SOX5: variants seen among roughly 807,000 people sequenced by gnomAD.
SOX5 encodes transcription factor SOX-5.
A neutral mutation model predicts 92.0 loss-of-function variants in SOX5; 9 were observed. The ratio of observed to expected loss-of-function variants is 0.10; its 90% CI spans 0.06 to 0.17. The LOEUF (loss-of-function observed/expected upper bound fraction) is 0.17. Among genes scored for constraint, SOX5 ranks in the 10% least tolerant of loss-of-function variants. The probability of loss-of-function intolerance (pLI) is 1.00; values close to 1 mark genes in which losing one functional copy is unlikely to be tolerated. For synonymous variants in SOX5, 344 were observed against 336.3 expected (o/e 1.02, Z -0.25); for missense variants, 642 against 944.5 (o/e 0.68, Z 4.20).
In SOX5 at chr12:23,563,289, C is replaced by T. The variant is rs777620138; in HGVS notation, c.1457G>A (p.Ser486Asn). The change falls in exon 11 of 15, where the codon AGT (serine) becomes AAT (asparagine). Residue 486 changes from serine (S) to asparagine (N), a missense_variant. Around this residue, in one of 8 missense-constraint regions of SOX5, gnomAD observed 324 missense variants for 461.6 expected, o/e 0.70. Transcript: ENST00000451604. ...TGTTCGGCAGTTATTGAGACCCAGA[C>T]TATTCACAACAGCCACCTTCCCATC... ...VLDGKVAVVNSLGLNNCRTEK... is the reference protein window; with the variant it reads ...VLDGKVAVVNNLGLNNCRTEK... 1.1e-5 allele frequency: 18 copies of T among 1,613,966 alleles called. No homozygotes were observed. Among genetic ancestry groups the T allele is most frequent in the Middle Eastern group, 1.7e-4 (1 of 6,056 alleles).
intron 3 of SOX5, among the ~76,000 whole-genome samples, chr12:24,239,285 T>G (rs1437702520): frequency 6.6e-6 from 1 of 152,028 alleles, no homozygotes; most frequent in Non-Finnish European, 1.5e-5. Context: ...GCTCCCTGAA[T>G]CAAAAAAAGA....
chr12:23,631,217 A>C (rs2078491208), intron 8 of SOX5, among the ~76,000 whole-genome samples: 1 of 152,062 alleles, frequency 6.6e-6, no homozygotes, highest in African/African-American at 2.4e-5. Context: ...CATTGGTCCT[A>C]TTAAGGTGAT....
At chr12:24,075,748 T>C (rs1942498024) in intron 4 of SOX5, among the ~76,000 whole-genome samples, 1 of 152,198 alleles carries the variant, frequency 6.6e-6, no homozygotes, top group Non-Finnish European at 1.5e-5. Context: ...TCTCATGGCT[T>C]GTTTTGTTTG....
At chr12:24,037,284 T>C (rs1956135069) in intron 4 of SOX5, among the ~76,000 whole-genome samples, 1 of 152,156 alleles carries the variant, frequency 6.6e-6, no homozygotes, top group South Asian at 2.1e-4. Flanking sequence ...GAGTGAATCC[T>C]ATTAACTAGA....
intron 1 of SOX5, among the ~76,000 whole-genome samples, chr12:24,455,045 G>A (rs1037480756): frequency 6.6e-6 from 1 of 152,208 alleles, no homozygotes; most frequent in African/African-American, 2.4e-5. Flanking sequence ...CTGCAAGAAT[G>A]CATTGATATT....
At chr12:24,508,326 C>A (rs533938954) in intron 1 of SOX5, among the ~76,000 whole-genome samples, 1 of 151,880 alleles carries the variant, frequency 6.6e-6, no homozygotes, top group African/African-American at 2.4e-5. Flanking sequence ...TAAAAGAGAA[C>A]AGGAATAAGG....
intron 1 of SOX5, among the ~76,000 whole-genome samples, chr12:24,471,127 C>T (rs1348827173): frequency 6.6e-6 from 1 of 152,058 alleles, no homozygotes; most frequent in Non-Finnish European, 1.5e-5. Context: ...AAGATAGTTG[C>T]TATTTTAGGC....
At chr12:23,582,008 T>C (rs1950107622) in intron 9 of SOX5, among the ~76,000 whole-genome samples, 1 of 152,080 alleles carries the variant, frequency 6.6e-6, no homozygotes, top group African/African-American at 2.4e-5. Context: ...GTAGCAGTAA[T>C]ACCATATGGG....
intron 8 of SOX5, among the ~76,000 whole-genome samples, chr12:23,612,436 T>G (rs2076079975): frequency 6.6e-6 from 1 of 152,114 alleles, no homozygotes; most frequent in Non-Finnish European, 1.5e-5. Context: ...CACTCAAAAA[T>G]AAATAGCTGT....
chr12:23,596,367 A>T (rs943384442), intron 9 of SOX5, among the ~76,000 whole-genome samples: 1 of 152,224 alleles, frequency 6.6e-6, no homozygotes, highest in Non-Finnish European at 1.5e-5. Flanking sequence ...ATAAGACATC[A>T]GTAATTGTTG....
intron 1 of SOX5, among the ~76,000 whole-genome samples, chr12:24,401,708 T>TAAAAAAAAAAAAAAAAAAAAA (rs71063321): frequency 6.0e-5 from 6 of 99,462 alleles, no homozygotes; most frequent in African/African-American, 2.4e-4. Context: ...ACCCTATCTT[T>TAAAAAAAAAAAAAAAAAAAAA]AAAAAAAAAA....
intron 6 of SOX5, among the ~76,000 whole-genome samples, chr12:23,682,417 G>A (rs1443483457): frequency 1.3e-5 from 2 of 151,326 alleles, no homozygotes; most frequent in African/African-American, 4.8e-5. Flanking sequence ...AATACAATTT[G>A]ATTATTGAAA....
chr12:23,635,342 A>G (rs769123710), intron 8 of SOX5, among the ~76,000 whole-genome samples: 7 of 152,220 alleles, frequency 4.6e-5, no homozygotes, highest in Non-Finnish European at 8.8e-5. Flanking sequence ...GGAAGAGGAC[A>G]TGACAAAATT....
At position 23,545,999 on chromosome 12, in the gene SOX5, T is replaced by A. The variant is rs150163162; in HGVS notation, c.1597+317A>T. Among the ~76,000 whole-genome samples, 1,395 of 152,230 alleles carry A rather than the reference T, an allele frequency of 9.2e-3. 22 individuals carry two copies. The highest frequency in any genetic ancestry group is 0.031 in the African/African-American group (1,305 of 41,542). On this transcript the variant is annotated intron_variant, in intron 12 of 14. Transcript: ENST00000451604. ...AGCATTTTGAGCATTTGCTTTAGAA[T>A]CATGCCATCTCGAATTTAATTCTTG... is the stretch of plus-strand genomic sequence containing the variant.
rs74702451 is a variant in SOX5 at position 24,111,796 on chromosome 12, T to C, written c.-2+101547A>G. 7.7e-4 allele frequency among the ~76,000 whole-genome samples: 117 copies of C among 152,340 alleles called. 3 individuals carry two copies. In the East Asian group the frequency reaches 0.02, roughly 26 times the overall value. Reference sequence around the variant, plus strand: ...TCATGAGGCCCTCAAAAACTTTCCGTTTCCTTTACTATTCACAACTTCAAT... The same window carrying C: ...TCATGAGGCCCTCAAAAACTTTCCGCTTCCTTTACTATTCACAACTTCAAT... On this transcript the variant is annotated intron_variant, in intron 4 of 4. Coordinates refer to the SOX5 transcript ENST00000446891.
chr12:23,677,104 T>A lies in SOX5; in HGVS notation c.811-11540A>T, dbSNP rs75219686. On this transcript the variant is annotated intron_variant, in intron 6 of 14. Transcript: ENST00000451604. ...TCATATTATACAATGGATCTTAGGC[T>A]TTATTCCATTTTCATTCAGGATTCA... 7.4e-4 allele frequency among the ~76,000 whole-genome samples: 113 copies of A among 152,336 alleles called. 1 individual carries two copies. In the East Asian group the frequency reaches 0.013, roughly 18 times the overall value.
intron 3 of SOX5, among the ~76,000 whole-genome samples, chr12:23,795,510 G>A (rs1264455346): frequency 6.6e-6 from 1 of 152,068 alleles, no homozygotes; most frequent in Non-Finnish European, 1.5e-5. Context: ...GTCTTGCCTT[G>A]TGGCTAAATT....
At chr12:24,368,953 A>G (rs1956438595) in intron 1 of SOX5, among the ~76,000 whole-genome samples, 1 of 152,244 alleles carries the variant, frequency 6.6e-6, no homozygotes. Context: ...AGGCCAACAG[A>G]GGTCCAAACC....
chr12:23,903,773 C>G (rs2097262171), intron 1 of SOX5, among the ~76,000 whole-genome samples: 1 of 152,080 alleles, frequency 6.6e-6, no homozygotes, highest in East Asian at 1.9e-4. Flanking sequence ...TTGTCTGGTT[C>G]CTGTTGTAAT....
Sources: allele counts gnomAD v4.1 joint callset (sites outside exome capture counted in the v4.1 genomes callset), GRCh38; gene constraint gnomAD v4.1.1; regional missense constraint gnomAD v4.1.1; transcripts MANE v1.5; gene names NCBI Gene and HGNC (gene_info 2026-07-23, HGNC 2026-07-21).